The following SH3GL3 variants were observed in gnomAD, a reference collection of about 807,000 sequenced individuals.
SH3GL3 encodes the protein endophilin-A3.
SH3GL3 carries 33 observed loss-of-function variants against 47.7 expected under a neutral mutation model. That is an observed-to-expected ratio of 0.69 (90% CI 0.52 to 0.92). SH3GL3 has a LOEUF of 0.92. SH3GL3 is among the 40% of genes least tolerant of loss of function. The pLI is 0.00. For synonymous variants in SH3GL3, 155 were observed against 148.8 expected (o/e 1.04, Z -0.30); for missense variants, 363 against 417.8 (o/e 0.87, Z 1.14).
intron 1 of SH3GL3, among the ~76,000 whole-genome samples, chr15:83,542,717 T>C (rs983091321): frequency 2.6e-5 from 4 of 152,164 alleles, no homozygotes; most frequent in African/African-American, 9.6e-5. Flanking sequence ...TTTTATGTAA[T>C]TTGTAGCAAT....
At chr15:83,631,493 A>G in the SH3GL3 span, among the ~76,000 whole-genome samples, 2 of 152,200 alleles carry the variant, frequency 1.3e-5, no homozygotes, top group Non-Finnish European at 2.9e-5. Flanking sequence ...AGGGGTTTCC[A>G]TACATCCTCT....
intron 1 of SH3GL3, among the ~76,000 whole-genome samples, chr15:83,536,575 A>G (rs1277070507): frequency 6.6e-6 from 1 of 151,310 alleles, no homozygotes; most frequent in Admixed American, 6.6e-5. Context: ...GCTAATTTTT[A>G]TATTTTTAGT....
intron 1 of SH3GL3, among the ~76,000 whole-genome samples, chr15:83,485,936 AT>A (rs1344028327): frequency 6.6e-6 from 1 of 152,196 alleles, no homozygotes; most frequent in Non-Finnish European, 1.5e-5. Flanking sequence ...AGGTATTAAC[AT>A]TTTGCCATCT....
At position 83,495,358 on chromosome 15, in the gene SH3GL3, T is replaced by C. The variant is rs1423234437; in HGVS notation, c.45+47780T>C. ...AGGCAACTCTAGTCTTTGCAAGTGG[T>C]TTTCTTGGAGTCCCTCGGAACTGGC... On this transcript the variant is annotated intron_variant, in intron 1 of 8. Coordinates refer to ENST00000427482, the MANE Select transcript of SH3GL3 (RefSeq NM_003027.5). 2.6e-5 allele frequency among the ~76,000 whole-genome samples: 4 copies of C among 152,114 alleles called. No individual in the cohort carries two copies. In the East Asian group the frequency reaches 7.7e-4, roughly 29 times the overall value.
At chr15:83,461,095 A>T (rs1219301217) in intron 1 of SH3GL3, among the ~76,000 whole-genome samples, 1 of 152,130 alleles carries the variant, frequency 6.6e-6, no homozygotes, top group Non-Finnish European at 1.5e-5. Flanking sequence ...AAAAAAAAAA[A>T]AGTACTGTAC....
chr15:83,474,815 T>G (rs1362619295), intron 1 of SH3GL3, among the ~76,000 whole-genome samples: 1 of 152,150 alleles, frequency 6.6e-6, no homozygotes, highest in East Asian at 1.9e-4. Flanking sequence ...AGCTCTGGCA[T>G]GATCGGGGAT....
chr15:83,522,802 T>G (rs1000412254), intron 1 of SH3GL3, among the ~76,000 whole-genome samples: 7 of 152,216 alleles, frequency 4.6e-5, no homozygotes, highest in African/African-American at 1.7e-4. Context: ...ACTGTGTGAC[T>G]ATAGGAAAAA....
At chr15:83,539,245 G>A (rs1299830976) in intron 1 of SH3GL3, among the ~76,000 whole-genome samples, 1 of 152,142 alleles carries the variant, frequency 6.6e-6, no homozygotes, top group African/African-American at 2.4e-5. Context: ...TCTGGAGGCT[G>A]GTAAGTCCAT....
chr15:83,461,985 A>C (rs1349145871), intron 1 of SH3GL3, among the ~76,000 whole-genome samples: 1 of 152,362 alleles, frequency 6.6e-6, no homozygotes, highest in South Asian at 2.1e-4. Context: ...GTTTTATTAT[A>C]TACTTGTAGA....
intron 5 of SH3GL3, among the ~76,000 whole-genome samples, chr15:83,573,808 A>G (rs919518542): frequency 2.6e-5 from 4 of 152,342 alleles, no homozygotes; most frequent in African/African-American, 9.6e-5. Flanking sequence ...CTGCCCTGCT[A>G]CAGTGGTGGT....
intron 1 of SH3GL3, among the ~76,000 whole-genome samples, chr15:83,457,183 C>T (rs1393728104): frequency 6.6e-6 from 1 of 152,116 alleles, no homozygotes; most frequent in Non-Finnish European, 1.5e-5. Flanking sequence ...ATTTCTGGAC[C>T]TTCTTGTCTT....
At chr15:83,520,895 A>G (rs891776246) in intron 1 of SH3GL3, among the ~76,000 whole-genome samples, 40 of 152,324 alleles carry the variant, frequency 2.6e-4, no homozygotes, top group African/African-American at 6.5e-4. Context: ...ATCTATATGT[A>G]TATTAAAACA....
intron 8 of SH3GL3, among the ~76,000 whole-genome samples, chr15:83,592,725 A>G (rs1054026178): frequency 7.9e-5 from 12 of 152,318 alleles, no homozygotes; most frequent in Admixed American, 7.2e-4. Flanking sequence ...GTGTGAAATG[A>G]AAAGATCACA....
At chr15:83,554,848 G>A (rs1039242163) in intron 1 of SH3GL3, among the ~76,000 whole-genome samples, 18 of 152,260 alleles carry the variant, frequency 1.2e-4, no homozygotes, top group African/African-American at 3.9e-4. Context: ...CTGCGTCTGG[G>A]TGTGAATTAA....
chr15:83,611,242 G>T (rs1001731273), intron 8 of SH3GL3, among the ~76,000 whole-genome samples: 4 of 143,792 alleles, frequency 2.8e-5, no homozygotes, highest in African/African-American at 1.0e-4. Context: ...TCTTGTGGTA[G>T]GGTCTCTCTC....
downstream of SH3GL3, among the ~76,000 whole-genome samples, chr15:83,620,896 G>A (rs1318796933): frequency 6.6e-6 from 1 of 152,224 alleles, no homozygotes; most frequent in Admixed American, 6.5e-5. Context: ...AGTTTAGCCA[G>A]CTTCATCAAT....
intron 6 of SH3GL3, among the ~76,000 whole-genome samples, chr15:83,579,594 A>G (rs757884454): frequency 6.6e-6 from 1 of 152,160 alleles, no homozygotes; most frequent in Admixed American, 6.5e-5. Flanking sequence ...GGTGATCGTG[A>G]TAATGATAAA....
chr15:83,486,921 C>CAGAG (rs1454434221), intron 1 of SH3GL3, among the ~76,000 whole-genome samples: 1 of 152,044 alleles, frequency 6.6e-6, no homozygotes, highest in East Asian at 1.9e-4. Context: ...TCTGGCCTCT[C>CAGAG]TTCCTCTTCT....
At chr15:83,608,271 T>A (rs567492038) in intron 8 of SH3GL3, among the ~76,000 whole-genome samples, 4 of 152,332 alleles carry the variant, frequency 2.6e-5, no homozygotes, top group African/African-American at 9.6e-5. Context: ...TTTTACTTAG[T>A]AGTGCACAAC....
Sources: allele counts gnomAD v4.1 joint callset (sites outside exome capture counted in the v4.1 genomes callset), GRCh38; gene constraint gnomAD v4.1.1; transcripts MANE v1.5; gene names NCBI Gene and HGNC (gene_info 2026-07-23, HGNC 2026-07-21).